NPAS3: variants seen among roughly 807,000 people sequenced by gnomAD.
NPAS3 encodes the protein neuronal PAS domain protein 3.
In NPAS3, 14 loss-of-function variants were observed where a neutral mutation model predicts 73.1. That is an observed-to-expected ratio of 0.19 (90% confidence interval 0.13 to 0.30). The LOEUF is 0.30. Ranked by LOEUF, NPAS3 falls within the 10% of genes least tolerant of loss-of-function variation. NPAS3 has a pLI of 1.00. For synonymous variants in NPAS3, 620 were observed against 541.5 expected (o/e 1.14, Z -2.01); for missense variants, 1,096 against 1,250.0 (o/e 0.88, Z 1.86).
intron 3 of NPAS3, among the ~76,000 whole-genome samples, chr14:33,248,731 C>G (rs1259011695): frequency 6.6e-6 from 1 of 152,148 alleles, no homozygotes. Flanking sequence ...ATAATGATAG[C>G]TTTGACCTTC....
At chr14:33,506,051 C>T (rs540187797) in intron 4 of NPAS3, among the ~76,000 whole-genome samples, 2 of 152,084 alleles carry the variant, frequency 1.3e-5, no homozygotes, top group Non-Finnish European at 2.9e-5. Flanking sequence ...AAACAAGCAA[C>T]ACTCTATCTT....
intron 2 of NPAS3, among the ~76,000 whole-genome samples, chr14:33,136,056 T>C (rs1481740041): frequency 2.8e-5 from 4 of 140,494 alleles, no homozygotes; most frequent in Non-Finnish European, 4.5e-5. Flanking sequence ...ACTACCTTTT[T>C]TCTTTTTTTT....
At chr14:33,634,889 C>T (rs1381974986) in intron 5 of NPAS3, among the ~76,000 whole-genome samples, 1 of 152,160 alleles carries the variant, frequency 6.6e-6, no homozygotes, top group Non-Finnish European at 1.5e-5. Flanking sequence ...AGCAGCATCA[C>T]CTGAAACTTG....
At chr14:33,610,434 C>T (rs1240164268) in intron 5 of NPAS3, among the ~76,000 whole-genome samples, 1 of 151,860 alleles carries the variant, frequency 6.6e-6, no homozygotes, top group African/African-American at 2.4e-5. Context: ...TTTCCCTCTC[C>T]TTTTTTTTCA....
chr14:33,335,068 G>GTGTGTGTGTA lies in NPAS3; in HGVS notation c.386-32115_386-32114insGTGTGTATGT, dbSNP rs1366925163. Among the ~76,000 whole-genome samples, 413 of 151,030 alleles carry GTGTGTGTGTA rather than the reference G, an allele frequency of 2.7e-3. 4 individuals are homozygous for GTGTGTGTGTA. The highest frequency in any genetic ancestry group is 9.5e-3 in the African/African-American group (387 of 40,796). On this transcript the variant is annotated intron_variant, in intron 3 of 11. Transcript: ENST00000356141. ...CGTGTGTGTGTGTGTGTGTGTGTGTGTGTATCACATTTTCTTTATCCTATT... is the reference window on the plus strand; with the variant it reads ...CGTGTGTGTGTGTGTGTGTGTGTGTGTGTGTGTGTATGTATCACATTTTCTTTATCCTATT...
At chr14:33,756,775 T>TAAAGGATGC (rs919132692) in intron 7 of NPAS3, among the ~76,000 whole-genome samples, 2 of 152,002 alleles carry the variant, frequency 1.3e-5, no homozygotes, top group Non-Finnish European at 1.5e-5. Context: ...CACAGAGAAA[T>TAAAGGATGC]AAAGGATGCA....
At chr14:32,943,041 C>G (rs1421299055) in intron 1 of NPAS3, among the ~76,000 whole-genome samples, 1 of 152,184 alleles carries the variant, frequency 6.6e-6, no homozygotes, top group African/African-American at 2.4e-5. Context: ...ATTACAACAT[C>G]TTTTCAGATT....
chr14:32,991,987 G>A (rs557773434), intron 1 of NPAS3, among the ~76,000 whole-genome samples: 1 of 152,334 alleles, frequency 6.6e-6, no homozygotes, highest in African/African-American at 2.4e-5. Context: ...TCACACAGAT[G>A]GAATGCTTGT....
intron 2 of NPAS3, among the ~76,000 whole-genome samples, chr14:33,207,603 A>G (rs2046879288): frequency 6.6e-6 from 1 of 152,200 alleles, no homozygotes; most frequent in Non-Finnish European, 1.5e-5. Flanking sequence ...TTTGACAGCC[A>G]TTCACACTTA....
chr14:33,062,586 T>C (rs1253425249), intron 2 of NPAS3, among the ~76,000 whole-genome samples: 1 of 152,220 alleles, frequency 6.6e-6, no homozygotes, highest in Admixed American at 6.5e-5. Context: ...ATTTTCATTA[T>C]GAGAGAAGTG....
At chr14:33,581,988 T>A (rs983958892) in intron 5 of NPAS3, 3 of 152,200 alleles carry the variant, frequency 2.0e-5, no homozygotes, top group Non-Finnish European at 4.4e-5. Context: ...AACATTTAGG[T>A]CCTTTCTAAT....
At chr14:33,414,180 G>A (rs577650184) in intron 4 of NPAS3, among the ~76,000 whole-genome samples, 4 of 152,074 alleles carry the variant, frequency 2.6e-5, no homozygotes, top group Non-Finnish European at 5.9e-5. Flanking sequence ...AGGAAGGAAC[G>A]GAGGCATGAG....
intron 6 of NPAS3, among the ~76,000 whole-genome samples, chr14:33,727,992 T>A (rs1443549489): frequency 2.0e-5 from 3 of 152,200 alleles, no homozygotes; most frequent in Non-Finnish European, 4.4e-5. Context: ...ATACTCAGTT[T>A]TTCCCCCTTG....
At chr14:33,432,374 A>G (rs931090264) in intron 4 of NPAS3, among the ~76,000 whole-genome samples, 1 of 152,214 alleles carries the variant, frequency 6.6e-6, no homozygotes, top group African/African-American at 2.4e-5. Flanking sequence ...CTTGCATTTC[A>G]TAAGAATATC....
intron 4 of NPAS3, among the ~76,000 whole-genome samples, chr14:33,558,623 C>CAT (rs1038066248): frequency 5.9e-5 from 9 of 151,502 alleles, no homozygotes; most frequent in Non-Finnish European, 1.2e-4. Context: ...TGTATGCATA[C>CAT]ATATATATAC....
intron 7 of NPAS3, among the ~76,000 whole-genome samples, chr14:33,768,558 A>G (rs941028143): frequency 2.4e-4 from 37 of 152,316 alleles, no homozygotes; most frequent in African/African-American, 7.7e-4. Context: ...GTAAAGGAGG[A>G]GGTGGGGTAA....
intron 2 of NPAS3, among the ~76,000 whole-genome samples, chr14:33,173,303 T>A (rs2045464435): frequency 6.6e-6 from 1 of 152,168 alleles, no homozygotes; most frequent in African/African-American, 2.4e-5. Context: ...AAAATAGCAG[T>A]GATGCCACTA....
At chr14:33,746,894 G>C (rs9671931) in intron 7 of NPAS3, among the ~76,000 whole-genome samples, 15,483 of 77,476 alleles carry the variant, frequency 0.2, 1,788 homozygotes, top group African/African-American at 0.47. Flanking sequence ...TCCCTCCCCC[G>C]TCCCCCCACC....
At chr14:33,386,382 GA>G (rs2046776505) in intron 4 of NPAS3, among the ~76,000 whole-genome samples, 1 of 152,104 alleles carries the variant, frequency 6.6e-6, no homozygotes, top group Non-Finnish European at 1.5e-5. Flanking sequence ...TCATTCCACA[GA>G]ATCCTTCTTA....
Sources: allele counts gnomAD v4.1 joint callset (sites outside exome capture counted in the v4.1 genomes callset), GRCh38; gene constraint gnomAD v4.1.1; transcripts MANE v1.5; gene names NCBI Gene and HGNC (gene_info 2026-07-23, HGNC 2026-07-21).